Variants in HTT-AS observed in about 807,000 individuals in gnomAD.
HTT-AS encodes the protein HTT antisense RNA (head to head).
At chr4:3,073,166 C>T (rs1712229465) in intron 1 of HTT-AS, among the ~76,000 whole-genome samples, 1 of 152,226 alleles carries the variant, frequency 6.6e-6, no homozygotes, top group African/African-American at 2.4e-5. Flanking sequence ...TGAGACAAGG[C>T]GGAGGTGCTG....
At chr4:3,055,583 T>C (rs953806432) in intron 2 of HTT-AS, among the ~76,000 whole-genome samples, 19 of 152,228 alleles carry the variant, frequency 1.2e-4, no homozygotes, top group African/African-American at 4.1e-4. Flanking sequence ...TGTTCCACTG[T>C]AGTCATCTTT....
chr4:3,057,041 CT>C (rs33928111), intron 2 of HTT-AS, among the ~76,000 whole-genome samples: 5 of 149,056 alleles, frequency 3.4e-5, no homozygotes, highest in African/African-American at 9.9e-5. Context: ...TTTTCTTTTT[CT>C]TTTTTTTTTG....
intron 2 of HTT-AS, among the ~76,000 whole-genome samples, chr4:3,055,614 G>A (rs754195802): frequency 6.6e-6 from 1 of 152,178 alleles, no homozygotes; most frequent in Non-Finnish European, 1.5e-5. Flanking sequence ...CACCATTTCT[G>A]TAAGACTTCA....
At chr4:3,074,118 C>T (rs1322526534) in intron 1 of HTT-AS, among the ~76,000 whole-genome samples, 4 of 135,368 alleles carry the variant, frequency 3.0e-5, no homozygotes, top group Admixed American at 2.9e-4. Context: ...CTGCCCCGCC[C>T]CCAGCCTCCC....
intron 1 of HTT-AS, among the ~76,000 whole-genome samples, chr4:3,070,672 A>G (rs61792461): frequency 0.088 from 13,401 of 152,162 alleles, 910 homozygotes; most frequent in African/African-American, 0.19. Flanking sequence ...GTCGGCTAGC[A>G]TGTTGTAAGC....
chr4:3,067,634 G>A lies in HTT-AS; in HGVS notation n.114-3934C>T, dbSNP rs115447278. 5.4e-3 allele frequency among the ~76,000 whole-genome samples: 828 copies of A among 152,278 alleles called. 6 individuals carry two copies. Among genetic ancestry groups the A allele is most frequent in the Non-Finnish European group, 8.8e-3 (597 of 68,022 alleles). ...TTTGTAGGGAAATTGGAAGGGAACC[G>A]AGAGCACCTAGCCAATCGCATAGCA... On this transcript the variant is annotated intron_variant and non_coding_transcript_variant, in intron 1 of 2. Coordinates refer to ENST00000664062, the Ensembl canonical transcript of HTT-AS.
intron 1 of HTT-AS, among the ~76,000 whole-genome samples, chr4:3,072,136 T>C: frequency 6.6e-6 from 1 of 152,208 alleles, no homozygotes; most frequent in Non-Finnish European, 1.5e-5. Context: ...CCAGCTCCAC[T>C]TCTCGCCAGG....
chr4:3,056,856 A>T (rs1313772), intron 2 of HTT-AS, among the ~76,000 whole-genome samples: 1 of 151,944 alleles, frequency 6.6e-6, no homozygotes, highest in Admixed American at 6.5e-5. Context: ...CATTCATTCA[A>T]TCAGTTTGCA....
chr4:3,068,445 G>A (rs1475132072), intron 1 of HTT-AS, among the ~76,000 whole-genome samples: 1 of 151,818 alleles, frequency 6.6e-6, no homozygotes, highest in Non-Finnish European at 1.5e-5. Flanking sequence ...GATTGAACTG[G>A]AAAGATTTCC....
chr4:3,061,357 G>A (rs889457041), intron 2 of HTT-AS, among the ~76,000 whole-genome samples: 26 of 152,286 alleles, frequency 1.7e-4, no homozygotes, highest in African/African-American at 5.3e-4. Flanking sequence ...TTGAATCTCC[G>A]ATAAGCCTTT....
intron 2 of HTT-AS, among the ~76,000 whole-genome samples, chr4:3,052,397 T>C (rs1229871566): frequency 6.6e-6 from 1 of 152,190 alleles, no homozygotes; most frequent in African/African-American, 2.4e-5. Flanking sequence ...ATTCTGGCTC[T>C]AACAGCCTGG....
intron 2 of HTT-AS, among the ~76,000 whole-genome samples, chr4:3,060,314 T>G (rs1711901027): frequency 6.6e-6 from 1 of 152,094 alleles, no homozygotes; most frequent in African/African-American, 2.4e-5. Context: ...GTCTACTACA[T>G]TTACACATTT....
chr4:3,074,476 T>G, exon 1 of HTT-AS: 1 of 227,704 alleles, frequency 4.4e-6, no homozygotes, highest in Non-Finnish European at 8.4e-6. Flanking sequence ...GCCCCGCGCC[T>G]TCGCCCGGGT....
intron 1 of HTT-AS, among the ~76,000 whole-genome samples, chr4:3,071,515 A>G (rs893300555): frequency 1.3e-5 from 2 of 152,182 alleles, no homozygotes; most frequent in African/African-American, 4.8e-5. Flanking sequence ...TGAAGGAAGG[A>G]CAGGGACTGT....
rs370888023 is a variant in HTT-AS at position 3,051,615 on chromosome 4, CCTCT to C, written n.1381-1921_1381-1918del. ...AATTTCTTACCAGTCAGATTTCTGA[CCTCT>C]CTCTCTCTGTGTGTTCAAACTGGTT... On this transcript the variant is annotated intron_variant and non_coding_transcript_variant, in intron 2 of 2. Transcript: ENST00000664062. Among the ~76,000 whole-genome samples, 49 of 150,172 alleles carry C rather than the reference CCTCT, an allele frequency of 3.3e-4. 1 individual carries two copies. The East Asian group carries it at 5.1e-3, about 16-fold the overall frequency.
intron 2 of HTT-AS, among the ~76,000 whole-genome samples, chr4:3,060,167 C>T (rs1711899264): frequency 6.6e-6 from 1 of 152,028 alleles, no homozygotes; most frequent in African/African-American, 2.4e-5. Flanking sequence ...AAAGACATTG[C>T]CAAGTCACTC....
chr4:3,048,087 C>T (rs926085448), downstream of HTT-AS, among the ~76,000 whole-genome samples: 2 of 152,040 alleles, frequency 1.3e-5, no homozygotes, highest in Admixed American at 1.3e-4. Flanking sequence ...TACCAGTCTC[C>T]GTGTCTAGGT....
chr4:3,046,720 T>C (rs1235432029), downstream of HTT-AS, among the ~76,000 whole-genome samples: 19 of 151,842 alleles, frequency 1.3e-4, no homozygotes. Context: ...CTCCTTATGC[T>C]GGAACGTCCT....
At chr4:3,073,520 G>A (rs1288442634) in intron 1 of HTT-AS, among the ~76,000 whole-genome samples, 3 of 152,210 alleles carry the variant, frequency 2.0e-5, no homozygotes, top group Non-Finnish European at 4.4e-5. Flanking sequence ...ACGCCCCCAG[G>A]TCGGGACTCA....
Sources: allele counts gnomAD v4.1 joint callset (sites outside exome capture counted in the v4.1 genomes callset), GRCh38; gene constraint gnomAD v4.1.1; transcripts MANE v1.5; gene names NCBI Gene and HGNC (gene_info 2026-07-23, HGNC 2026-07-21).